The following LCLAT1 variants were observed in gnomAD, a reference collection of about 807,000 sequenced individuals.
The protein encoded by LCLAT1 is lysocardiolipin acyltransferase 1, also known as 1-AGP acyltransferase 8.
Under a neutral mutation model 30.7 loss-of-function variants are expected in LCLAT1, and 11 were observed. The ratio of observed to expected loss-of-function variants is 0.36; its 90% CI spans 0.23 to 0.59. The LOEUF is 0.59. Ranked by LOEUF, LCLAT1 falls within the 20% of genes least tolerant of loss-of-function variation. LCLAT1 has a pLI of 0.77. For missense variants in LCLAT1, 402 were observed against 458.6 expected, an observed-to-expected ratio of 0.88 and a Z score of 1.13; for synonymous variants, 155 against 151.3, an observed-to-expected ratio of 1.02 and a Z score of -0.18.
chr2:30,539,725 A>G (rs1664037692), intron 3 of LCLAT1, among the ~76,000 whole-genome samples: 1 of 152,224 alleles, frequency 6.6e-6, no homozygotes, highest in Admixed American at 6.5e-5. Context: ...CAACTCGGGT[A>G]TAATTTCAGG....
intron 5 of LCLAT1, among the ~76,000 whole-genome samples, chr2:30,627,827 T>C (rs1294055941): frequency 7.4e-6 from 1 of 134,504 alleles, no homozygotes; most frequent in Non-Finnish European, 1.6e-5. Context: ...ACTAGGAAAA[T>C]AAAATAGAAG....
intron 3 of LCLAT1, among the ~76,000 whole-genome samples, chr2:30,548,811 T>G (rs1664546016): frequency 6.6e-6 from 1 of 152,160 alleles, no homozygotes; most frequent in African/African-American, 2.4e-5. Flanking sequence ...TTTTCCCTTG[T>G]TATGCCTGAG....
chr2:30,535,584 A>T (rs752033211), intron 3 of LCLAT1, among the ~76,000 whole-genome samples: 35 of 152,226 alleles, frequency 2.3e-4, no homozygotes, highest in Non-Finnish European at 3.4e-4. Context: ...TATGGAGTCT[A>T]TATTACTGTT....
intron 5 of LCLAT1, among the ~76,000 whole-genome samples, chr2:30,611,139 C>T (rs1354158292): frequency 2.7e-5 from 4 of 149,660 alleles, no homozygotes; most frequent in African/African-American, 9.8e-5. Flanking sequence ...TTTCTTCTGG[C>T]CTTTTTGTCC....
intron 5 of LCLAT1, among the ~76,000 whole-genome samples, chr2:30,635,030 A>G (rs1478617320): frequency 6.6e-6 from 1 of 152,214 alleles, no homozygotes; most frequent in Non-Finnish European, 1.5e-5. Context: ...TGGCTCTTCT[A>G]CTCAAGAAGT....
At chr2:30,530,461 A>G (rs1572578445) in intron 2 of LCLAT1, among the ~76,000 whole-genome samples, 2 of 152,234 alleles carry the variant, frequency 1.3e-5, no homozygotes, top group East Asian at 1.9e-4. Flanking sequence ...GTTATTTATA[A>G]CTTTCAGGCA....
At chr2:30,536,654 A>T (rs919281567) in intron 3 of LCLAT1, among the ~76,000 whole-genome samples, 6 of 152,218 alleles carry the variant, frequency 3.9e-5, no homozygotes, top group Non-Finnish European at 7.3e-5. Flanking sequence ...TGCAGTAAAA[A>T]AGTGATATCT....
intron 1 of LCLAT1, among the ~76,000 whole-genome samples, chr2:30,494,311 C>T (rs1170260025): frequency 6.6e-6 from 1 of 152,088 alleles, no homozygotes; most frequent in Non-Finnish European, 1.5e-5. Flanking sequence ...CAGAACTCTT[C>T]CACAAAGTCA....
chr2:30,476,030 G>A (rs976430351), intron 1 of LCLAT1, among the ~76,000 whole-genome samples: 10 of 152,130 alleles, frequency 6.6e-5, no homozygotes, highest in African/African-American at 2.4e-4. Context: ...AATAAATATT[G>A]AACATTCACT....
At chr2:30,581,215 A>G (rs1309677999) in intron 5 of LCLAT1, among the ~76,000 whole-genome samples, 1 of 152,174 alleles carries the variant, frequency 6.6e-6, no homozygotes, top group Non-Finnish European at 1.5e-5. Flanking sequence ...CAAAGTGGTG[A>G]CTTGACATGC....
chr2:30,579,831 G>A (rs1382201122), intron 5 of LCLAT1, among the ~76,000 whole-genome samples: 1 of 152,112 alleles, frequency 6.6e-6, no homozygotes, highest in African/African-American at 2.4e-5. Flanking sequence ...AACCTGGTGA[G>A]TACATTGTTC....
At chr2:30,486,237 A>G (rs1683551643) in intron 1 of LCLAT1, among the ~76,000 whole-genome samples, 1 of 152,172 alleles carries the variant, frequency 6.6e-6, no homozygotes, top group Non-Finnish European at 1.5e-5. Context: ...GCCTTAACTG[A>G]CCTGTTAAAA....
intron 5 of LCLAT1, among the ~76,000 whole-genome samples, chr2:30,610,338 A>T (rs1221967921): frequency 6.6e-6 from 1 of 152,084 alleles, no homozygotes; most frequent in Non-Finnish European, 1.5e-5. Context: ...ATCCTGAAAC[A>T]AATTCTTTTT....
At chr2:30,509,227 A>T (rs1279158749) in intron 1 of LCLAT1, among the ~76,000 whole-genome samples, 2 of 152,158 alleles carry the variant, frequency 1.3e-5, no homozygotes, top group Non-Finnish European at 2.9e-5. Context: ...GGATAGTTTG[A>T]CTTCCTCTCT....
chr2:30,634,247 T>C (rs1668912963), intron 5 of LCLAT1, among the ~76,000 whole-genome samples: 1 of 152,220 alleles, frequency 6.6e-6, no homozygotes, highest in Admixed American at 6.5e-5. Context: ...AACTTTCCAA[T>C]AGTCACAGTG....
chr2:30,623,013 G>A (rs576954923), intron 5 of LCLAT1, among the ~76,000 whole-genome samples: 28 of 151,844 alleles, frequency 1.8e-4, no homozygotes, highest in African/African-American at 6.8e-4. Flanking sequence ...TATTCAAGGA[G>A]GCACCAGAGA....
chr2:30,459,833 G>A (rs1682022095), intron 1 of LCLAT1: 1 of 731,062 alleles, frequency 1.4e-6, no homozygotes, highest in Admixed American at 2.3e-5. Context: ...TTGTATTGTT[G>A]ACATGTTCTA....
chr2:30,466,265 CT>C (rs375531918), intron 1 of LCLAT1, among the ~76,000 whole-genome samples: 5 of 111,046 alleles, frequency 4.5e-5, no homozygotes, highest in Non-Finnish European at 6.0e-5. Flanking sequence ...TTCCTGCTTT[CT>C]TTTTTTTTTC....
intron 5 of LCLAT1, among the ~76,000 whole-genome samples, chr2:30,572,489 C>G (rs1665821595): frequency 6.6e-6 from 1 of 152,194 alleles, no homozygotes; most frequent in Admixed American, 6.5e-5. Flanking sequence ...ACTTCTTTCA[C>G]CATTCATACG....
Sources: gnomAD v4.1 joint callset for allele counts (sites outside exome capture counted in the v4.1 genomes callset) on GRCh38, gnomAD v4.1.1 for gene constraint, MANE v1.5 for transcripts, NCBI Gene and HGNC (gene_info 2026-07-23, HGNC 2026-07-21) for gene names.